ADAMTS19: variants seen among roughly 807,000 people sequenced by gnomAD.
ADAMTS19 encodes ADAM metallopeptidase with thrombospondin type 1 motif 19.
A neutral mutation model predicts 153.3 loss-of-function variants in ADAMTS19; 93 were observed. The ratio of observed to expected loss-of-function variants is 0.61; its 90% CI spans 0.51 to 0.72. The LOEUF is 0.72. ADAMTS19 is among the 30% of genes least tolerant of loss of function. The pLI is 0.00. For synonymous variants in ADAMTS19, 600 were observed against 556.6 expected, an observed-to-expected ratio of 1.08 and a Z score of -1.10; for missense variants, 1,482 against 1,552.1, an observed-to-expected ratio of 0.95 and a Z score of 0.76.
intron 6 of ADAMTS19, among the ~76,000 whole-genome samples, chr5:129,543,167 A>G (rs2126803274): frequency 6.6e-6 from 1 of 151,798 alleles, no homozygotes; most frequent in Non-Finnish European, 1.5e-5. Context: ...CTCCTGCCTT[A>G]GCCTCTTCAG....
intron 6 of ADAMTS19, among the ~76,000 whole-genome samples, chr5:129,536,676 T>C (rs935383744): frequency 6.6e-6 from 1 of 152,078 alleles, no homozygotes; most frequent in Non-Finnish European, 1.5e-5. Context: ...TGTCCAACAA[T>C]GAGAGACTGG....
chr5:129,626,493 G>T (rs1752055908), intron 10 of ADAMTS19, among the ~76,000 whole-genome samples: 1 of 151,886 alleles, frequency 6.6e-6, no homozygotes, highest in African/African-American at 2.4e-5. Context: ...ATGTTGCCTT[G>T]TTTTAAAACT....
At chr5:129,528,993 C>A (rs1036370035) in intron 6 of ADAMTS19, among the ~76,000 whole-genome samples, 2 of 151,892 alleles carry the variant, frequency 1.3e-5, no homozygotes, top group Non-Finnish European at 1.5e-5. Context: ...AAATTATGAA[C>A]GTAGACTGTA....
At position 129,527,820 on chromosome 5, in the gene ADAMTS19, C is replaced by T. The variant is rs371700173; in HGVS notation, c.1159C>T (p.His387Tyr). The change falls in exon 5 of 23, where the codon CAT becomes TAT. Residue 387 changes from histidine (H) to tyrosine (Y), a missense_variant. His to Tyr is a moderately conservative substitution (Grantham distance 83). Coordinates refer to ENST00000274487, the MANE Select transcript of ADAMTS19 (RefSeq NM_133638.6). The part of the protein sequence containing the change: ...NLRVIKLILL[H>Y]ETPPELYIGH... Reference sequence around the variant, plus strand: ...TCGTGTGATAAAGCTTATTCTGCTCCATGAAACTCCAGTAAGAAAGTCTTG... The same window carrying T: ...TCGTGTGATAAAGCTTATTCTGCTCTATGAAACTCCAGTAAGAAAGTCTTG... 2.5e-6 allele frequency: 4 copies of T among 1,584,586 alleles called. No individual in the cohort carries two copies. In the African/African-American group the frequency reaches 5.4e-5, roughly 21 times the overall value.
chr5:129,685,836 A>G (rs1486537705), intron 18 of ADAMTS19, among the ~76,000 whole-genome samples: 2 of 152,202 alleles, frequency 1.3e-5, no homozygotes, highest in Non-Finnish European at 2.9e-5. Flanking sequence ...GAGAGCAAAA[A>G]AATTGCTGAA....
intron 18 of ADAMTS19, among the ~76,000 whole-genome samples, chr5:129,685,918 A>G (rs899041854): frequency 1.3e-5 from 2 of 152,218 alleles, no homozygotes; most frequent in African/African-American, 4.8e-5. Context: ...CACTAGTAAC[A>G]GGAGAAAAGA....
At chr5:129,597,575 A>G (rs928800093) in intron 8 of ADAMTS19, among the ~76,000 whole-genome samples, 28 of 152,274 alleles carry the variant, frequency 1.8e-4, no homozygotes, top group Admixed American at 1.6e-3. Context: ...GATTCAAATT[A>G]CATAAAGCTG....
At chr5:129,671,779 G>C (rs1010728507) in intron 16 of ADAMTS19, among the ~76,000 whole-genome samples, 1 of 151,976 alleles carries the variant, frequency 6.6e-6, no homozygotes, top group Admixed American at 6.6e-5. Flanking sequence ...ACTTCAGATA[G>C]ACCTATGTTA....
At chr5:129,616,836 T>G (rs1178810856) in intron 8 of ADAMTS19, among the ~76,000 whole-genome samples, 1 of 152,072 alleles carries the variant, frequency 6.6e-6, no homozygotes, top group Admixed American at 6.6e-5. Context: ...ACATTTCTGC[T>G]AAAAGAACAG....
intron 8 of ADAMTS19, among the ~76,000 whole-genome samples, chr5:129,607,436 G>A (rs1750956149): frequency 6.6e-6 from 1 of 152,110 alleles, no homozygotes; most frequent in Non-Finnish European, 1.5e-5. Context: ...TGTTGTACAA[G>A]TGAATAAACA....
intron 20 of ADAMTS19, among the ~76,000 whole-genome samples, chr5:129,702,929 C>CAAAAAAAAAA (rs376208133): frequency 2.3e-3 from 102 of 44,164 alleles, no homozygotes; most frequent in African/African-American, 8.3e-3. Context: ...TTTGACTTGC[C>CAAAAAAAAAA]AAAAAAAAAA....
Position 129,735,018 on chromosome 5 carries a change from T to A in ADAMTS19, c.3399T>A (p.Phe1133Leu). The A allele has an allele frequency of 6.2e-7, 1 of 1,612,272 alleles. No individual in the cohort carries two copies. The highest frequency in any genetic ancestry group is 8.5e-7 in the Non-Finnish European group (1 of 1,178,934). Reference sequence around the variant, plus strand: ...CAGGAAGACATGGAAATGAATGTTTTTCCTCAGAAAAACCTGCAGCATACA... The same window carrying A: ...CAGGAAGACATGGAAATGAATGTTTATCCTCAGAAAAACCTGCAGCATACA... Reference protein sequence around the residue: ...KITGRHGNECFSSEKPAAYRP... With the variant: ...KITGRHGNECLSSEKPAAYRP... The change falls in exon 22 of 23, where the codon TTT becomes TTA. Residue 1133 changes from phenylalanine to leucine, a missense_variant. Coordinates refer to ENST00000274487, the MANE Select transcript of ADAMTS19 (RefSeq NM_133638.6).
At chr5:129,465,276 A>G (rs2126639628) in intron 2 of ADAMTS19, among the ~76,000 whole-genome samples, 1 of 152,258 alleles carries the variant, frequency 6.6e-6, no homozygotes, top group East Asian at 1.9e-4. Flanking sequence ...AAACTGTGCA[A>G]CAATTATCTT....
intron 8 of ADAMTS19, among the ~76,000 whole-genome samples, chr5:129,613,601 C>A (rs1751345634): frequency 6.6e-6 from 1 of 152,058 alleles, no homozygotes; most frequent in Non-Finnish European, 1.5e-5. Context: ...CTAAAATTGA[C>A]ACCCTAACAT....
At chr5:129,484,345 A>T (rs1750520022) in intron 2 of ADAMTS19, among the ~76,000 whole-genome samples, 1 of 152,142 alleles carries the variant, frequency 6.6e-6, no homozygotes, top group South Asian at 2.1e-4. Context: ...CCCTCAGGGT[A>T]CTTCTCTCCA....
rs1309115957 is a variant in ADAMTS19 at position 129,522,332 on chromosome 5, C to CACATATAT, written c.914-3951_914-3950insCATATATA. Among the ~76,000 whole-genome samples the CACATATAT allele has an allele frequency of 5.6e-3, 331 of 58,592 alleles. 1 individual carries two copies. The highest frequency in any genetic ancestry group is 0.014 in the African/African-American group (156 of 11,222). 38.4% of individuals were successfully genotyped at this position (58,592 alleles called of 152,430 possible). ...ATATATATATACACACACACACACA[C>CACATATAT]ATATATATATATATATATATATATA... is the stretch of plus-strand genomic sequence containing the variant. On this transcript the variant is annotated intron_variant, in intron 3 of 22. Coordinates refer to ENST00000274487, the MANE Select transcript of ADAMTS19 (RefSeq NM_133638.6).
intron 2 of ADAMTS19, among the ~76,000 whole-genome samples, chr5:129,468,493 A>C (rs1306215432): frequency 6.6e-6 from 1 of 151,956 alleles, no homozygotes; most frequent in African/African-American, 2.4e-5. Flanking sequence ...AGCTGGGACT[A>C]CAGGCGCGCA....
intron 16 of ADAMTS19, among the ~76,000 whole-genome samples, chr5:129,668,761 T>C (rs2127090185): frequency 6.6e-6 from 1 of 152,300 alleles, no homozygotes; most frequent in Admixed American, 6.6e-5. Flanking sequence ...TTTATTGTGG[T>C]AAAATATATA....
chr5:129,466,480 T>G (rs1346199436), intron 2 of ADAMTS19, among the ~76,000 whole-genome samples: 1 of 151,850 alleles, frequency 6.6e-6, no homozygotes, highest in Non-Finnish European at 1.5e-5. Context: ...CAAACTGCTA[T>G]CCATAAAAAA....
Sources: gnomAD v4.1 joint callset for allele counts (sites outside exome capture counted in the v4.1 genomes callset) on GRCh38, gnomAD v4.1.1 for gene constraint, MANE v1.5 for transcripts, NCBI Gene and HGNC (gene_info 2026-07-23, HGNC 2026-07-21) for gene names.